Variants in PPP1R16B observed in about 807,000 individuals in gnomAD.
PPP1R16B encodes the protein protein phosphatase 1 regulatory subunit 16B.
PPP1R16B carries 14 observed loss-of-function variants against 61.7 expected under a neutral mutation model. The ratio of observed to expected loss-of-function variants is 0.23; its 90% CI spans 0.15 to 0.35. PPP1R16B has a LOEUF of 0.35. PPP1R16B is among the 10% of genes least tolerant of loss of function. The probability of loss-of-function intolerance (pLI) is 1.00; values close to 1 mark genes in which losing one functional copy is unlikely to be tolerated. For missense variants in PPP1R16B, 547 were observed against 752.5 expected (o/e 0.73, Z 3.19); for synonymous variants, 266 against 305.3 (o/e 0.87, Z 1.34).
chr20:38,821,089 C>T (rs190666371), intron 1 of PPP1R16B, among the ~76,000 whole-genome samples: 30 of 151,518 alleles, frequency 2.0e-4, no homozygotes, highest in Admixed American at 1.9e-3. Flanking sequence ...TTGTAGTGGT[C>T]TTTCTCTGTG....
chr20:38,902,896 G>C, intron 6 of PPP1R16B, 104 bp downstream of exon 6: 2 of 1,528,334 alleles, frequency 1.3e-6, no homozygotes, highest in Non-Finnish European at 1.8e-6. Flanking sequence ...CTGTGACCTT[G>C]GACCTCCGCA....
intron 2 of PPP1R16B, among the ~76,000 whole-genome samples, chr20:38,862,080 A>C (rs1180629043): frequency 6.6e-6 from 1 of 152,164 alleles, no homozygotes; most frequent in African/African-American, 2.4e-5. Flanking sequence ...TCCAGCCCAC[A>C]ACTGTGTAGG....
intron 4 of PPP1R16B, among the ~76,000 whole-genome samples, chr20:38,896,401 T>C (rs2085349804): frequency 7.1e-6 from 1 of 140,668 alleles, no homozygotes. Context: ...ACATCCTCTC[T>C]TCATCTCTCT....
chr20:38,871,081 G>A (rs1450718166), intron 2 of PPP1R16B, among the ~76,000 whole-genome samples: 4 of 152,116 alleles, frequency 2.6e-5, no homozygotes, highest in Non-Finnish European at 5.9e-5. Context: ...GTGTGGGTGA[G>A]GCAGCACATA....
At chr20:38,894,350 C>A (rs1318567046) in intron 3 of PPP1R16B, among the ~76,000 whole-genome samples, 1 of 152,160 alleles carries the variant, frequency 6.6e-6, no homozygotes, top group Non-Finnish European at 1.5e-5. Flanking sequence ...GGCGTCTGGA[C>A]TCTTCTCTCT....
At chr20:38,848,127 T>G (rs2084946660) in intron 2 of PPP1R16B, among the ~76,000 whole-genome samples, 1 of 152,192 alleles carries the variant, frequency 6.6e-6, no homozygotes, top group Non-Finnish European at 1.5e-5. Flanking sequence ...CCATGTAGCC[T>G]GCAAAGGTTA....
chr20:38,859,969 CATTTATTT>C (rs367628661), intron 2 of PPP1R16B, among the ~76,000 whole-genome samples: 9 of 151,838 alleles, frequency 5.9e-5, no homozygotes, highest in Admixed American at 1.3e-4. Flanking sequence ...ATATCTTTTA[CATTTATTT>C]ATTTATTTAT....
chr20:38,841,181 A>T (rs114107220), intron 2 of PPP1R16B, among the ~76,000 whole-genome samples: 112 of 151,920 alleles, frequency 7.4e-4, no homozygotes, highest in African/African-American at 2.6e-3. Context: ...CTATTCAATG[A>T]TTTTCAGTAA....
intron 2 of PPP1R16B, among the ~76,000 whole-genome samples, chr20:38,867,753 A>G (rs948735249): frequency 6.6e-6 from 1 of 151,386 alleles, no homozygotes; most frequent in African/African-American, 2.4e-5. Flanking sequence ...GCTCACTGCA[A>G]CCTCCGCCTC....
At chr20:38,911,937 A>G (rs2085493953) in intron 10 of PPP1R16B, among the ~76,000 whole-genome samples, 1 of 152,024 alleles carries the variant, frequency 6.6e-6, no homozygotes, top group South Asian at 2.1e-4. Context: ...GGACATAAGC[A>G]CTATTTTGTG....
intron 6 of PPP1R16B, among the ~76,000 whole-genome samples, chr20:38,905,025 A>G (rs2085428037): frequency 6.6e-6 from 1 of 152,250 alleles, no homozygotes; most frequent in Non-Finnish European, 1.5e-5. Flanking sequence ...AACAATCATG[A>G]CAACTGAGGT....
At chr20:38,909,484 TCAG>T (rs2085472008) in intron 10 of PPP1R16B, among the ~76,000 whole-genome samples, 1 of 152,236 alleles carries the variant, frequency 6.6e-6, no homozygotes, top group Non-Finnish European at 1.5e-5. Context: ...ACACACTCAC[TCAG>T]CATGGCTGCT....
At chr20:38,848,949 C>T (rs1347082098) in intron 2 of PPP1R16B, among the ~76,000 whole-genome samples, 14 of 152,084 alleles carry the variant, frequency 9.2e-5, no homozygotes. Flanking sequence ...CACTTGTACC[C>T]CTGAACTTAA....
rs147891536 is a variant in PPP1R16B, at chr20:38,834,098, C to T, written c.-101-1727C>T. On this transcript the variant is annotated intron_variant, in intron 1 of 10. Coordinates refer to ENST00000299824, the MANE Select transcript of PPP1R16B (RefSeq NM_015568.4). Reference sequence around the variant, plus strand: ...GTTCACAAACATGCTGCATTTACATCTCCCTACCATTCCTCCTCCAAGCTT... The same window carrying T: ...GTTCACAAACATGCTGCATTTACATTTCCCTACCATTCCTCCTCCAAGCTT... Among the ~76,000 whole-genome samples, 355 of 152,338 alleles carry T rather than the reference C, an allele frequency of 2.3e-3. 1 individual carries two copies. Among genetic ancestry groups the T allele is most frequent in the African/African-American group, 8.0e-3 (332 of 41,590 alleles).
At position 38,806,462 on chromosome 20, in the gene PPP1R16B, G is replaced by A. The variant is rs1328426554; in HGVS notation, c.-102+670G>A. ...CTCTCCCAGGGCCCCGTGCGCCGGC[G>A]GCTGGGTCCCCCGCGCCAGGAGCGC... On this transcript the variant is annotated intron_variant, in intron 1 of 10. Coordinates refer to ENST00000299824, the MANE Select transcript of PPP1R16B (RefSeq NM_015568.4). This position sits in a 1 kb window ranked among gnomAD's most constrained non-coding sequence, Gnocchi z 4.5. Among the ~76,000 whole-genome samples, 1 of 152,060 alleles carries A rather than the reference G, an allele frequency of 6.6e-6. No homozygotes were observed. Among genetic ancestry groups the A allele is most frequent in the Non-Finnish European group, 1.5e-5 (1 of 67,986 alleles).
chr20:38,848,460 T>C (rs1274908662), intron 2 of PPP1R16B, among the ~76,000 whole-genome samples: 1 of 152,190 alleles, frequency 6.6e-6, no homozygotes, highest in African/African-American at 2.4e-5. Flanking sequence ...AGCAACCTAT[T>C]TTGGTGCCAG....
chr20:38,852,267 CCTT>C (rs1442854403), intron 2 of PPP1R16B, among the ~76,000 whole-genome samples: 1 of 152,168 alleles, frequency 6.6e-6, no homozygotes, highest in Non-Finnish European at 1.5e-5. Context: ...TTATGTACAA[CCTT>C]CTGATTATAA....
intron 2 of PPP1R16B, among the ~76,000 whole-genome samples, chr20:38,852,564 ACACTCAACCAG>A (rs2084975913): frequency 6.6e-6 from 1 of 152,096 alleles, no homozygotes; most frequent in Non-Finnish European, 1.5e-5. Flanking sequence ...AACCACAATG[ACACTCAACCAG>A]CATTTCCCCA....
In PPP1R16B at chr20:38,907,529, C is replaced by T. The variant is rs772631701; in HGVS notation, c.899-277C>T. Among the ~76,000 whole-genome samples, 12 of 152,278 alleles carry T rather than the reference C, an allele frequency of 7.9e-5. No homozygotes were observed. The highest frequency in any genetic ancestry group is 3.4e-3 in the Middle Eastern group (1 of 294). On this transcript the variant is annotated intron_variant, in intron 8 of 10. Transcript: ENST00000299824. The surrounding 1 kb of genome is among the most constrained non-coding windows in gnomAD (Gnocchi z 4.5). Reference sequence around the variant, plus strand: ...GTGGGGTACCTGCTTGGGGACTCTTCTTGGAAACTATCAAAGAGCAACATG... The same window carrying T: ...GTGGGGTACCTGCTTGGGGACTCTTTTTGGAAACTATCAAAGAGCAACATG...
Sources: allele counts gnomAD v4.1 joint callset (sites outside exome capture counted in the v4.1 genomes callset), GRCh38; gene constraint gnomAD v4.1.1; non-coding constraint Gnocchi (gnomAD v3.1); transcripts MANE v1.5; gene names NCBI Gene and HGNC (gene_info 2026-07-23, HGNC 2026-07-21).